The following FIGNL1 variants were observed in gnomAD, a reference collection of about 807,000 sequenced individuals.
FIGNL1 encodes fidgetin like 1.
A neutral mutation model predicts 28.9 loss-of-function variants in FIGNL1; 11 were observed. The ratio of observed to expected loss-of-function variants is 0.38; its 90% CI spans 0.24 to 0.63. FIGNL1 has a LOEUF of 0.63. Among genes scored for constraint, FIGNL1 ranks in the 20% least tolerant of loss-of-function variants. The probability of loss-of-function intolerance (pLI) is 0.57; values close to 1 mark genes in which losing one functional copy is unlikely to be tolerated. For missense variants in FIGNL1, 789 were observed against 810.4 expected, an observed-to-expected ratio of 0.97 and a Z score of 0.32; for synonymous variants, 295 against 276.5, an observed-to-expected ratio of 1.07 and a Z score of -0.66.
rs1820943876 is a variant in FIGNL1 at position 50,446,724 on chromosome 7, G to C, written c.564C>G (p.Ala188=). The C allele has an allele frequency of 6.2e-7, 1 of 1,614,190 alleles. No homozygotes were observed. Among genetic ancestry groups the C allele is most frequent in the Non-Finnish European group, 8.5e-7 (1 of 1,180,034 alleles). ...CAGTGTTAGTCACCATAGGTGGCTGGGCATTCTGAAGGAGTTTCAAACGAT... is the reference window on the plus strand; with the variant it reads ...CAGTGTTAGTCACCATAGGTGGCTGCGCATTCTGAAGGAGTTTCAAACGAT... ...ESNRLKLLQN[A]QPPMVTNTAR... Residue 188 remains alanine, a synonymous_variant, in exon 4 of 4, where the codon GCC becomes GCG. Coordinates refer to ENST00000433017, the MANE Select transcript of FIGNL1 (RefSeq NM_001287492.4).
rs1820683517 is a variant in FIGNL1, at chr7:50,445,964, G to A, written c.1324C>T (p.Pro442Ser). The A allele has an allele frequency of 1.9e-6, 3 of 1,614,142 alleles. No individual in the cohort carries two copies. The change falls in exon 4 of 4, where the codon CCT becomes TCT. Residue 442 changes from proline (P) to serine (S), a missense_variant. By Grantham distance (74) the Pro-to-Ser change is moderately conservative (BLOSUM62 -1). Coordinates refer to ENST00000433017, the MANE Select transcript of FIGNL1 (RefSeq NM_001287492.4). ...ATTAGAGTTTTACCAGTCCCAGGAG[G>A]ACCAAAGAGCAAAATTCCTTTAGGG... ...GPPKGILLFG[P>S]PGTGKTLIGK...
chr7:50,445,118 C>A lies in FIGNL1; in HGVS notation c.*145G>T. ...AAACTTACATTAACATACACTATGTCAATCAGATGTAAAATCTGTGCTATT... is the reference window on the plus strand; with the variant it reads ...AAACTTACATTAACATACACTATGTAAATCAGATGTAAAATCTGTGCTATT... On this transcript the variant is annotated 3_prime_UTR_variant, in exon 4 of 4. Transcript: ENST00000433017. The A allele has an allele frequency of 1.9e-6, 1 of 515,846 alleles. No individual in the cohort carries two copies. The highest frequency in any genetic ancestry group is 2.0e-5 in the African/African-American group (1 of 50,588). 32.0% of individuals were successfully genotyped at this position (515,846 alleles called of 1,614,324 possible). A position where few individuals can be genotyped will look rare whatever the true frequency, so the allele number is the denominator to read the frequency against.
rs780350955 is a variant in FIGNL1 at position 50,446,165 on chromosome 7, G to A, written c.1123C>T (p.Arg375Cys). 8 of 1,614,042 alleles carry A rather than the reference G, an allele frequency of 5.0e-6. No homozygotes were observed. Among genetic ancestry groups the A allele is most frequent in the African/African-American group, 1.3e-5 (1 of 74,914 alleles). The part of the protein sequence containing the change: ...PTEPAHPVDE[R>C]LKNLEPKMIE... ...ATCTTTGGCTCCAAGTTCTTCAGAC[G>A]CTCATCAACTGGATGTGCTGGTTCT... The change falls in exon 4 of 4, where the codon CGT (arginine) becomes TGT (cysteine). Residue 375 changes from arginine to cysteine, a missense_variant. Coordinates refer to ENST00000433017, the MANE Select transcript of FIGNL1 (RefSeq NM_001287492.4).
chr7:50,445,107 A>G lies in FIGNL1; in HGVS notation c.*156T>C, dbSNP rs1434941502. On this transcript the variant is annotated 3_prime_UTR_variant, in exon 4 of 4. Transcript: ENST00000433017. ...ACTGGAAAGCAAAACTTACATTAAC[A>G]TACACTATGTCAATCAGATGTAAAA... 1 of 471,068 alleles carries G rather than the reference A, an allele frequency of 2.1e-6. No homozygotes were observed. Among genetic ancestry groups the G allele is most frequent in the Admixed American group, 3.9e-5 (1 of 25,348 alleles). The allele number at this position is 471,068 out of a possible 1,614,324, so 29.2% of individuals were successfully genotyped here. A position where few individuals can be genotyped will look rare whatever the true frequency, so the allele number is the denominator to read the frequency against.
rs960264362 is a variant in FIGNL1, at chr7:50,444,180, T to C, written c.*1083A>G. The C allele has an allele frequency of 1.3e-5, 2 of 152,230 alleles. No homozygotes were observed. The highest frequency in any genetic ancestry group is 6.5e-5 in the Admixed American group (1 of 15,286). 9.4% of individuals were successfully genotyped at this position (152,230 alleles called of 1,614,324 possible). A position where few individuals can be genotyped will look rare whatever the true frequency, so the allele number is the denominator to read the frequency against. ...ATCCAGGAATTACTCAAGAAATTTA[T>C]ACATTTTTTAAAAAGATCACCAAAT... On this transcript the variant is annotated 3_prime_UTR_variant, in exon 4 of 4. Coordinates refer to ENST00000433017, the MANE Select transcript of FIGNL1 (RefSeq NM_001287492.4).
In FIGNL1 at chr7:50,446,164, C is replaced by T. The variant is rs148860816; in HGVS notation, c.1124G>A (p.Arg375His). ...CATCTTTGGCTCCAAGTTCTTCAGA[C>T]GCTCATCAACTGGATGTGCTGGTTC... ...PTEPAHPVDERLKNLEPKMIE... is the reference protein window; with the variant it reads ...PTEPAHPVDEHLKNLEPKMIE... Residue 375 changes from arginine to histidine, a missense_variant, in exon 4 of 4, where the codon CGT becomes CAT. Arg to His is a conservative substitution (Grantham distance 29). Coordinates refer to ENST00000433017, the MANE Select transcript of FIGNL1 (RefSeq NM_001287492.4). 2.8e-5 allele frequency: 46 copies of T among 1,614,058 alleles called. No individual in the cohort carries two copies. Among genetic ancestry groups the T allele is most frequent in the Admixed American group, 2.2e-4 (13 of 60,000 alleles).
rs1051874249 is a variant in FIGNL1 at position 50,447,747 on chromosome 7, T to A, written c.-11+434A>T. 9.2e-5 allele frequency among the ~76,000 whole-genome samples: 14 copies of A among 152,290 alleles called. No individual in the cohort carries two copies. The East Asian group carries it at 1.2e-3, about 13-fold the overall frequency. ...GGTTTATTTTTATTTTATTATTATT[T>A]TTTTTTGAGACAGTGTCTCGCTCTG... On this transcript the variant is annotated intron_variant, in intron 3 of 3. Coordinates refer to ENST00000433017, the MANE Select transcript of FIGNL1 (RefSeq NM_001287492.4).
Position 50,444,140 on chromosome 7 carries a change from A to T in FIGNL1, c.*1123T>A, listed in dbSNP as rs1248649511. 2 of 152,266 alleles carry T rather than the reference A, an allele frequency of 1.3e-5. No individual in the cohort carries two copies. Among genetic ancestry groups the T allele is most frequent in the Non-Finnish European group, 2.9e-5 (2 of 68,048 alleles). The allele number at this position is 152,266 out of a possible 1,614,324, so 9.4% of individuals were successfully genotyped here. A position where few individuals can be genotyped will look rare whatever the true frequency, so the allele number is the denominator to read the frequency against. ...AGAATGCAAGCCAAAAGCTTTAAAA[A>T]GTGCATATTCTTTAATCCAGGAATT... On this transcript the variant is annotated 3_prime_UTR_variant, in exon 4 of 4. Transcript: ENST00000433017.
rs1318639599 is a variant in FIGNL1, at chr7:50,446,043, T to C, written c.1245A>G (p.Glu415=). 1 of 1,614,190 alleles carries C rather than the reference T, an allele frequency of 6.2e-7. No homozygotes were observed. Among genetic ancestry groups the C allele is most frequent in the Non-Finnish European group, 8.5e-7 (1 of 1,180,030 alleles). Reference sequence around the variant, plus strand: ...GCCTCAACATGGGCCACACAACTATTTCCTTTATGGTGGCTTTAGCAAATT... The same window carrying C: ...GCCTCAACATGGGCCACACAACTATCTCCTTTATGGTGGCTTTAGCAAATT... ...GVEFAKATIK[E]IVVWPMLRPD... The change falls in exon 4 of 4, where the codon GAA becomes GAG. Residue 415 remains glutamate, a synonymous_variant. Coordinates refer to ENST00000433017, the MANE Select transcript of FIGNL1 (RefSeq NM_001287492.4).
Position 50,445,969 on chromosome 7 carries a change from A to T in FIGNL1, c.1319T>A (p.Phe440Tyr). ...LRGPPKGILL[F>Y]GPPGTGKTLI... ...AGTTTTACCAGTCCCAGGAGGACCAAAGAGCAAAATTCCTTTAGGGGGTCC... is the reference window on the plus strand; with the variant it reads ...AGTTTTACCAGTCCCAGGAGGACCATAGAGCAAAATTCCTTTAGGGGGTCC... Residue 440 changes from phenylalanine (F) to tyrosine (Y), a missense_variant, in exon 4 of 4, where the codon TTT (phenylalanine) becomes TAT (tyrosine). Coordinates refer to ENST00000433017, the MANE Select transcript of FIGNL1 (RefSeq NM_001287492.4). The T allele has an allele frequency of 6.2e-7, 1 of 1,614,166 alleles. No individual in the cohort carries two copies. The highest frequency in any genetic ancestry group is 1.1e-5 in the South Asian group (1 of 91,088).
At position 50,445,348 on chromosome 7, in the gene FIGNL1, G is replaced by C; in HGVS notation, c.1940C>G (p.Ala647Gly). The change falls in exon 4 of 4, where the codon GCT (alanine) becomes GGT (glycine). Residue 647 changes from alanine to glycine, a missense_variant. Physicochemically the swap from Ala to Gly is moderately conservative, Grantham distance 60. Transcript: ENST00000433017. ...AACACTAGGTCGCACAGTTCTAAAAGCATTTTCAAAATCAATGTAAGCTAT... is the reference window on the plus strand; with the variant it reads ...AACACTAGGTCGCACAGTTCTAAAACCATTTTCAAAATCAATGTAAGCTAT... Reference protein sequence around the residue: ...RPIAYIDFENAFRTVRPSVSP... With the variant: ...RPIAYIDFENGFRTVRPSVSP... 6.2e-7 allele frequency: 1 copy of C among 1,614,046 alleles called. No individual in the cohort carries two copies. Among genetic ancestry groups the C allele is most frequent in the Non-Finnish European group, 8.5e-7 (1 of 1,179,984 alleles).
At position 50,447,028 on chromosome 7, in the gene FIGNL1, A is replaced by G; in HGVS notation, c.260T>C (p.Leu87Ser). ...SGLNNYAENILTLAGSQQTDS... is the reference protein window; with the variant it reads ...SGLNNYAENISTLAGSQQTDS... ...TGTTTGTTGAGATCCTGCCAAAGTT[A>G]AAATGTTTTCTGCATAATTATTCAA... The change falls in exon 4 of 4, where the codon TTA becomes TCA. Residue 87 changes from leucine to serine, a missense_variant. Coordinates refer to ENST00000433017, the MANE Select transcript of FIGNL1 (RefSeq NM_001287492.4). 1 of 1,614,268 alleles carries G rather than the reference A, an allele frequency of 6.2e-7. No homozygotes were observed. The highest frequency in any genetic ancestry group is 8.5e-7 in the Non-Finnish European group (1 of 1,180,046).
rs889615421 is a variant in FIGNL1, at chr7:50,446,736, G to C, written c.552C>G (p.Leu184=). The C allele has an allele frequency of 1.9e-6, 3 of 1,614,062 alleles. No individual in the cohort carries two copies. Among genetic ancestry groups the C allele is most frequent in the Non-Finnish European group, 2.5e-6 (3 of 1,180,052 alleles). The change falls in exon 4 of 4, where the codon CTC becomes CTG. Residue 184 remains leucine (L), a synonymous_variant. Transcript: ENST00000433017. The stretch of plus-strand genomic sequence containing the variant: ...CCATAGGTGGCTGGGCATTCTGAAG[G>C]AGTTTCAAACGATTGCTCTCCGGGA... ...QDFPESNRLK[L]LQNAQPPMVT... is the part of the protein sequence containing the mutation.
rs1554407587 is a variant in FIGNL1 at position 50,450,326 on chromosome 7, GC to G, written c.-752del. The G allele has an allele frequency of 6.6e-6, 1 of 152,426 alleles. No homozygotes were observed. The highest frequency in any genetic ancestry group is 1.5e-5 in the Non-Finnish European group (1 of 68,220). The allele number at this position is 152,426 out of a possible 1,614,324, so 9.4% of individuals were successfully genotyped here. ...CTGCGGCTGGTGTGGGACGCTGGCA[GC>G]CTCCGAAAAGCGCGGGGACTGACGT... On this transcript the variant is annotated 5_prime_UTR_variant, in exon 1 of 4. Coordinates refer to ENST00000433017, the MANE Select transcript of FIGNL1 (RefSeq NM_001287492.4).
rs1395151810 is a variant in FIGNL1 at position 50,445,822 on chromosome 7, G to A, written c.1466C>T (p.Ala489Val). Residue 489 changes from alanine to valine, a missense_variant, in exon 4 of 4, where the codon GCA (alanine) becomes GTA (valine). Transcript: ENST00000433017. ...TATCACAGCTGGTTGCTGACACCTT[G>A]CAACAGCAAACAATGCACGGACCAT... Reference protein sequence around the residue: ...EKMVRALFAVARCQQPAVIFI... With the variant: ...EKMVRALFAVVRCQQPAVIFI... 6.2e-7 allele frequency: 1 copy of A among 1,614,048 alleles called. No homozygotes were observed. Among genetic ancestry groups the A allele is most frequent in the African/African-American group, 1.3e-5 (1 of 74,910 alleles).
Position 50,445,744 on chromosome 7 carries a change from T to G in FIGNL1, c.1544A>C (p.Glu515Ala). 2 of 1,614,220 alleles carry G rather than the reference T, an allele frequency of 1.2e-6. No individual in the cohort carries two copies. Among genetic ancestry groups the G allele is most frequent in the Non-Finnish European group, 1.7e-6 (2 of 1,180,032 alleles). Residue 515 changes from glutamate to alanine, a missense_variant, in exon 4 of 4, where the codon GAA (glutamate) becomes GCA (alanine). By Grantham distance (107) the Glu-to-Ala change is moderately radical. Transcript: ENST00000433017. Reference protein sequence around the residue: ...LLSQRGDGEHESSRRIKTEFL... With the variant: ...LLSQRGDGEHASSRRIKTEFL... ...TTCTGTTTTTATCCTTCTAGAAGATTCATGCTCACCATCTCCCCGTTGAGA... is the reference window on the plus strand; with the variant it reads ...TTCTGTTTTTATCCTTCTAGAAGATGCATGCTCACCATCTCCCCGTTGAGA...
In FIGNL1 at chr7:50,445,613, A is replaced by G; in HGVS notation, c.1675T>C (p.Leu559=). The G allele has an allele frequency of 6.2e-7, 1 of 1,614,158 alleles. No homozygotes were observed. Among genetic ancestry groups the G allele is most frequent in the Non-Finnish European group, 8.5e-7 (1 of 1,180,036 alleles). The change falls in exon 4 of 4, where the codon TTG becomes CTG. Residue 559 remains leucine, a synonymous_variant. Coordinates refer to ENST00000433017, the MANE Select transcript of FIGNL1 (RefSeq NM_001287492.4). ...AGGGGAATATAAAGCCTTTTCACCA[A>G]TCTTCTCCGGGCAGCCTCATCAATT... is the stretch of plus-strand genomic sequence containing the variant. The part of the protein sequence containing the change: ...QEIDEAARRR[L]VKRLYIPLPE...
intron 1 of FIGNL1, 21 bp from the exon 2 acceptor site, chr7:50,449,744 C>T (rs1430894431): frequency 1.3e-5 from 2 of 152,270 alleles, no homozygotes; most frequent in African/African-American, 4.8e-5. Context: ...AGCGCAGCAA[C>T]ATCACTGAGC....
Position 50,446,397 on chromosome 7 carries a change from A to C in FIGNL1, c.891T>G (p.Thr297=). Reference sequence around the variant, plus strand: ...GATCTACCCATAATTGTTCTTTTGCAGTTTTAAATGTAGGCAGGCTGCTAT... The same window carrying C: ...GATCTACCCATAATTGTTCTTTTGCCGTTTTAAATGTAGGCAGGCTGCTAT... ...KEDSSLPTFK[T]AKEQLWVDQQ... Residue 297 remains threonine (T), a synonymous_variant, in exon 4 of 4, where the codon ACT becomes ACG. Transcript: ENST00000433017. 1.2e-6 allele frequency: 2 copies of C among 1,614,108 alleles called. No individual in the cohort carries two copies. Among genetic ancestry groups the C allele is most frequent in the Non-Finnish European group, 1.7e-6 (2 of 1,180,014 alleles).
Sources: gnomAD v4.1 joint callset for allele counts (sites outside exome capture counted in the v4.1 genomes callset) on GRCh38, gnomAD v4.1.1 for gene constraint, MANE v1.5 for transcripts, NCBI Gene and HGNC (gene_info 2026-07-23, HGNC 2026-07-21) for gene names.